CNTNAP2: variants seen among roughly 807,000 people sequenced by gnomAD.
CNTNAP2 encodes the protein contactin-associated protein-like 2.
In CNTNAP2, 98 loss-of-function variants were observed where a neutral mutation model predicts 155.2. The observed-to-expected ratio is 0.63, with a 90% CI of 0.54 to 0.75. The LOEUF (loss-of-function observed/expected upper bound fraction) is 0.75, where lower values mean the gene tolerates loss of function less well. Ranked by LOEUF, CNTNAP2 falls within the 30% of genes least tolerant of loss-of-function variation. The pLI, the probability that CNTNAP2 is intolerant of heterozygous loss-of-function variation, is 0.00. For synonymous variants in CNTNAP2, 651 were observed against 631.2 expected (o/e 1.03, Z -0.47); for missense variants, 1,727 against 1,688.1 (o/e 1.02, Z -0.40).
intron 1 of CNTNAP2, among the ~76,000 whole-genome samples, chr7:146,144,716 A>C (rs1247130392): frequency 2.6e-5 from 4 of 152,204 alleles, no homozygotes; most frequent in Admixed American, 2.6e-4. Context: ...ATAATGAAGA[A>C]AGTGTATTTA....
In CNTNAP2 at chr7:148,100,645, C is replaced by A. The variant is rs971280514; in HGVS notation, c.2384-17473C>A. 2.0e-5 allele frequency among the ~76,000 whole-genome samples: 3 copies of A among 152,128 alleles called. No homozygotes were observed. The East Asian group carries it at 5.8e-4, about 29-fold the overall frequency. ...CATACAATGGACAATTTACATAGAT[C>A]GATTTTATGGTTTATGCCACATTAT... On this transcript the variant is annotated intron_variant, in intron 15 of 23. Coordinates refer to ENST00000361727, the MANE Select transcript of CNTNAP2 (RefSeq NM_014141.6).
intron 8 of CNTNAP2, among the ~76,000 whole-genome samples, chr7:147,247,320 G>A (rs146932627): frequency 4.6e-5 from 7 of 152,204 alleles, no homozygotes; most frequent in African/African-American, 1.4e-4. Context: ...TCACCTCCTT[G>A]GCAGGTGACC....
chr7:147,365,600 G>T (rs1796217298), intron 9 of CNTNAP2, among the ~76,000 whole-genome samples: 2 of 151,748 alleles, frequency 1.3e-5, no homozygotes, highest in African/African-American at 4.8e-5. Context: ...TTAAAACATG[G>T]ATATTTAATA....
At chr7:147,186,097 A>G (rs752126086) in intron 8 of CNTNAP2, among the ~76,000 whole-genome samples, 1 of 152,164 alleles carries the variant, frequency 6.6e-6, no homozygotes, top group Non-Finnish European at 1.5e-5. Flanking sequence ...TGTTAAAACG[A>G]CATTTTGAAA....
intron 1 of CNTNAP2, among the ~76,000 whole-genome samples, chr7:146,706,171 T>C (rs895228270): frequency 6.6e-6 from 1 of 151,394 alleles, no homozygotes; most frequent in African/African-American, 2.5e-5. Flanking sequence ...ATCTTTCTAG[T>C]TGGGAACCAC....
chr7:146,907,238 C>T (rs1796153584), intron 3 of CNTNAP2, among the ~76,000 whole-genome samples: 1 of 149,408 alleles, frequency 6.7e-6, no homozygotes, highest in South Asian at 2.1e-4. Flanking sequence ...AGGATATTAT[C>T]CAGGAGAACT....
rs150389811 is a variant in CNTNAP2 at position 146,879,407 on chromosome 7, T to C, written c.402+39503T>C. On this transcript the variant is annotated intron_variant, in intron 3 of 23. Coordinates refer to ENST00000361727, the MANE Select transcript of CNTNAP2 (RefSeq NM_014141.6). ...TATTTTAATGTTACATTTGATAAGC[T>C]GTCAAGAGGCAGTGTTGAACAACTT... is the stretch of plus-strand genomic sequence containing the variant. 1.5e-4 allele frequency among the ~76,000 whole-genome samples: 23 copies of C among 152,268 alleles called. No homozygotes were observed. In the East Asian group the frequency reaches 4.4e-3, roughly 29 times the overall value.
At chr7:147,391,254 C>T (rs899416571) in intron 9 of CNTNAP2, among the ~76,000 whole-genome samples, 2 of 152,164 alleles carry the variant, frequency 1.3e-5, no homozygotes, top group African/African-American at 4.8e-5. Context: ...CAGTCAGGCA[C>T]ATGCTGGTCA....
intron 1 of CNTNAP2, among the ~76,000 whole-genome samples, chr7:146,248,452 T>C (rs577864965): frequency 4.1e-4 from 63 of 152,214 alleles, no homozygotes; most frequent in African/African-American, 1.4e-3. Context: ...CCTGGAATGA[T>C]TAAACACCAG....
At position 146,442,452 on chromosome 7, in the gene CNTNAP2, G is replaced by A. The variant is rs562121084; in HGVS notation, c.97+325479G>A. On this transcript the variant is annotated intron_variant, in intron 1 of 23. Transcript: ENST00000361727. ...CCATTTGGGGTGTGTGTGTGTGTGCGTGCGCATGTGTGTGTGTATGTGTGA... is the reference window on the plus strand; with the variant it reads ...CCATTTGGGGTGTGTGTGTGTGTGCATGCGCATGTGTGTGTGTATGTGTGA... 5.9e-5 allele frequency among the ~76,000 whole-genome samples: 9 copies of A among 152,064 alleles called. No individual in the cohort carries two copies. The South Asian group carries it at 1.5e-3, about 25-fold the overall frequency.
chr7:148,409,370 T>G, intron 22 of CNTNAP2, 21 bp from the exon 23 acceptor site: 1 of 1,535,858 alleles, frequency 6.5e-7, no homozygotes, highest in Non-Finnish European at 8.8e-7. Context: ...CTCTGACACT[T>G]GACTCTTTCT....
intron 4 of CNTNAP2, among the ~76,000 whole-genome samples, chr7:147,076,844 CAAG>C (rs1800009756): frequency 6.6e-6 from 1 of 152,060 alleles, no homozygotes; most frequent in Non-Finnish European, 1.5e-5. Context: ...ATTTAGAAAA[CAAG>C]AAGAAAAAGA....
intron 21 of CNTNAP2, among the ~76,000 whole-genome samples, chr7:148,282,453 G>A (rs1796990649): frequency 6.6e-6 from 1 of 152,158 alleles, no homozygotes; most frequent in African/African-American, 2.4e-5. Context: ...TGATAGTAGT[G>A]CCAATATCAT....
intron 1 of CNTNAP2, among the ~76,000 whole-genome samples, chr7:146,587,504 GTCATCACCTTTTAATCACA>G (rs1798711538): frequency 6.6e-6 from 1 of 151,958 alleles, no homozygotes; most frequent in African/African-American, 2.4e-5. Flanking sequence ...GTATCTCCAC[GTCATCACCTTTTAATCACA>G]TTTTAGTGTG....
At position 146,717,348 on chromosome 7, in the gene CNTNAP2, T is replaced by TAA. The variant is rs35996896; in HGVS notation, c.98-56906_98-56905dup. Among the ~76,000 whole-genome samples the TAA allele has an allele frequency of 2.2e-3, 264 of 119,348 alleles. 2 individuals are homozygous for TAA. Among genetic ancestry groups the TAA allele is most frequent in the African/African-American group, 4.6e-3 (167 of 36,004 alleles). 78.3% of individuals were successfully genotyped at this position (119,348 alleles called of 152,430 possible). A position where few individuals can be genotyped will look rare whatever the true frequency, so the allele number is the denominator to read the frequency against. Reference sequence around the variant, plus strand: ...CAAAACTCTGTCTCTACTAAAAAATTAAAAAAAAAAAAAAAAAAGCCATGT... The same window carrying TAA: ...CAAAACTCTGTCTCTACTAAAAAATTAAAAAAAAAAAAAAAAAAAAGCCATGT... On this transcript the variant is annotated intron_variant, in intron 1 of 23. Transcript: ENST00000361727.
chr7:146,956,177 T>C (rs972784531), intron 3 of CNTNAP2, among the ~76,000 whole-genome samples: 1 of 152,160 alleles, frequency 6.6e-6, no homozygotes, highest in South Asian at 2.1e-4. Flanking sequence ...TTTTGTTTTA[T>C]GTTTAGACTT....
chr7:146,674,264 T>C (rs1267169312), intron 1 of CNTNAP2, among the ~76,000 whole-genome samples: 1 of 151,938 alleles, frequency 6.6e-6, no homozygotes, highest in Non-Finnish European at 1.5e-5. Flanking sequence ...TACATAGGAG[T>C]ATGGGGAAAA....
chr7:148,409,352 A>G, intron 22 of CNTNAP2, 39 bp from the exon 23 acceptor site: 3 of 1,466,790 alleles, frequency 2.0e-6, no homozygotes, highest in Non-Finnish European at 2.9e-6. Context: ...GATCAATAGT[A>G]TACTTGACTC....
At chr7:147,727,033 A>ATG (rs1554427083) in intron 13 of CNTNAP2, among the ~76,000 whole-genome samples, 1 of 151,618 alleles carries the variant, frequency 6.6e-6, no homozygotes, top group Non-Finnish European at 1.5e-5. Flanking sequence ...GTGTATATAT[A>ATG]TATATATGTC....
Sources: gnomAD v4.1 joint callset for allele counts (sites outside exome capture counted in the v4.1 genomes callset) on GRCh38, gnomAD v4.1.1 for gene constraint, MANE v1.5 for transcripts, NCBI Gene and HGNC (gene_info 2026-07-23, HGNC 2026-07-21) for gene names.